Variants in MTUS2 observed in about 807,000 individuals in gnomAD.
The protein encoded by MTUS2 is microtubule associated scaffold protein 2, also known as microtubule-associated tumor suppressor candidate 2.
MTUS2 carries 40 observed loss-of-function variants against 114.1 expected under a neutral mutation model. The observed-to-expected ratio is 0.35, with a 90% CI of 0.27 to 0.46. The LOEUF (loss-of-function observed/expected upper bound fraction) is 0.46. Among genes scored for constraint, MTUS2 ranks in the 20% least tolerant of loss-of-function variants. The pLI is 1.00. For synonymous variants in MTUS2, 688 were observed against 672.0 expected (o/e 1.02, Z -0.37); for missense variants, 1,679 against 1,705.4 (o/e 0.98, Z 0.27).
rs115243006 is a variant in MTUS2, at chr13:29,425,422, A to T, written c.3118-14561A>T. 7.6e-3 allele frequency among the ~76,000 whole-genome samples: 1,156 copies of T among 152,096 alleles called. 20 individuals are homozygous for T. Among genetic ancestry groups the T allele is most frequent in the African/African-American group, 0.027 (1,111 of 41,348 alleles). ...CTCTGTCTCAACAAACAAACAAACA[A>T]ACATACAAAAAAAAGAAAGAAATAC... is the stretch of plus-strand genomic sequence containing the variant. On this transcript the variant is annotated intron_variant, in intron 8 of 15. Transcript: ENST00000612955.
At chr13:29,155,471 A>T (rs1427738978) in intron 5 of MTUS2, among the ~76,000 whole-genome samples, 2 of 152,208 alleles carry the variant, frequency 1.3e-5, no homozygotes, top group Non-Finnish European at 2.9e-5. Context: ...AATGCATCAC[A>T]CTTCACTGCC....
chr13:29,050,672 C>T (rs114081039), intron 4 of MTUS2, among the ~76,000 whole-genome samples: 6 of 152,334 alleles, frequency 3.9e-5, no homozygotes, highest in African/African-American at 1.2e-4. Context: ...CTACCCGTGT[C>T]CTGTGTTCCT....
chr13:29,097,612 A>G (rs1890233616), intron 4 of MTUS2, among the ~76,000 whole-genome samples: 1 of 152,220 alleles, frequency 6.6e-6, no homozygotes, highest in Non-Finnish European at 1.5e-5. Context: ...AGTGTAGCGT[A>G]TAAAAACAGA....
At chr13:28,828,598 T>G (rs560702702) in intron 1 of MTUS2, among the ~76,000 whole-genome samples, 1 of 152,352 alleles carries the variant, frequency 6.6e-6, no homozygotes, top group East Asian at 1.9e-4. Flanking sequence ...TATGTTCTTC[T>G]GCCATGGCTT....
At chr13:29,341,696 C>T (rs1475612258) in intron 7 of MTUS2, among the ~76,000 whole-genome samples, 1 of 152,052 alleles carries the variant, frequency 6.6e-6, no homozygotes, top group African/African-American at 2.4e-5. Context: ...CTTTTGGGTT[C>T]GTGGTCATAA....
chr13:29,457,023 T>C (rs1222770498), intron 9 of MTUS2, among the ~76,000 whole-genome samples: 1 of 151,242 alleles, frequency 6.6e-6, no homozygotes, highest in Non-Finnish European at 1.5e-5. Context: ...CAGGCACCTG[T>C]AGTCCCAGCT....
intron 2 of MTUS2, among the ~76,000 whole-genome samples, chr13:29,013,137 A>G (rs1260748444): frequency 6.6e-6 from 1 of 152,182 alleles, no homozygotes; most frequent in African/African-American, 2.4e-5. Flanking sequence ...CTTTTCTGTG[A>G]TTCGGGGTGT....
chr13:28,838,347 C>T (rs925740940), intron 1 of MTUS2, among the ~76,000 whole-genome samples: 1 of 152,206 alleles, frequency 6.6e-6, no homozygotes, highest in African/African-American at 2.4e-5. Context: ...TAGTGTTGTG[C>T]ATGCTTCGAA....
chr13:29,447,813 A>G (rs1878398587), intron 9 of MTUS2, among the ~76,000 whole-genome samples: 1 of 151,946 alleles, frequency 6.6e-6, no homozygotes, highest in Non-Finnish European at 1.5e-5. Flanking sequence ...CAGGGAGGAA[A>G]AGCAGAGATG....
chr13:28,867,980 C>A (rs1345937270), intron 2 of MTUS2, among the ~76,000 whole-genome samples: 2 of 152,174 alleles, frequency 1.3e-5, no homozygotes, highest in Non-Finnish European at 2.9e-5. Context: ...CCTGAAAACA[C>A]CATCACAAAT....
intron 2 of MTUS2, among the ~76,000 whole-genome samples, chr13:28,902,698 C>A (rs772554882): frequency 2.0e-5 from 3 of 152,062 alleles, no homozygotes; most frequent in Non-Finnish European, 4.4e-5. Context: ...TCTTTTTATA[C>A]ACTGTTTGAC....
intron 1 of MTUS2, among the ~76,000 whole-genome samples, chr13:28,823,294 A>G (rs988256291): frequency 6.6e-6 from 1 of 152,264 alleles, no homozygotes; most frequent in Non-Finnish European, 1.5e-5. Context: ...TGGAAGGACT[A>G]GATGAGTATC....
intron 2 of MTUS2, among the ~76,000 whole-genome samples, chr13:29,005,488 C>T (rs113520540): frequency 2.0e-5 from 3 of 152,276 alleles, no homozygotes; most frequent in East Asian, 1.9e-4. Flanking sequence ...GACAAGGACC[C>T]TGCCCTCTAG....
chr13:28,882,028 A>C (rs1878320345), intron 2 of MTUS2, among the ~76,000 whole-genome samples: 1 of 152,218 alleles, frequency 6.6e-6, no homozygotes, highest in Non-Finnish European at 1.5e-5. Flanking sequence ...TTGAGTCTTC[A>C]ATCCTTCCCT....
chr13:28,954,107 A>G (rs1164990637), intron 2 of MTUS2, among the ~76,000 whole-genome samples: 1 of 152,238 alleles, frequency 6.6e-6, no homozygotes, highest in South Asian at 2.1e-4. Flanking sequence ...TTTAAAATAT[A>G]TCTACTTTTT....
intron 5 of MTUS2, among the ~76,000 whole-genome samples, chr13:29,277,644 C>A (rs901824939): frequency 1.3e-5 from 2 of 152,182 alleles, no homozygotes; most frequent in Admixed American, 6.5e-5. Flanking sequence ...CACACCACTC[C>A]CTTTTCCCCT....
At chr13:29,219,143 C>A (rs1429418061) in intron 5 of MTUS2, among the ~76,000 whole-genome samples, 2 of 126,980 alleles carry the variant, frequency 1.6e-5, no homozygotes, top group Non-Finnish European at 3.2e-5. Context: ...CCACCACAGT[C>A]CCCAGAGTGT....
At chr13:29,397,524 C>T (rs1874001060) in intron 8 of MTUS2, among the ~76,000 whole-genome samples, 1 of 152,218 alleles carries the variant, frequency 6.6e-6, no homozygotes, top group Non-Finnish European at 1.5e-5. Context: ...TCTCAGGCCC[C>T]ATCCTAGGCC....
intron 2 of MTUS2, among the ~76,000 whole-genome samples, chr13:28,885,491 C>T (rs1004117879): frequency 8.5e-5 from 13 of 152,110 alleles, no homozygotes; most frequent in African/African-American, 2.9e-4. Flanking sequence ...AGTACCTTTC[C>T]CAAGGTTAGA....
Sources: gnomAD v4.1 joint callset for allele counts (sites outside exome capture counted in the v4.1 genomes callset) on GRCh38, gnomAD v4.1.1 for gene constraint, MANE v1.5 for transcripts, NCBI Gene and HGNC (gene_info 2026-07-23, HGNC 2026-07-21) for gene names.